TPD52: variants seen among roughly 807,000 people sequenced by gnomAD.
TPD52 encodes the protein prostate and colon associated protein.
A neutral mutation model predicts 31.3 loss-of-function variants in TPD52; 17 were observed. That is an observed-to-expected ratio of 0.54 (90% confidence interval 0.37 to 0.82). TPD52 has a LOEUF of 0.82. Ranked by LOEUF, TPD52 falls within the 40% of genes least tolerant of loss-of-function variation. The pLI, the probability that TPD52 is intolerant of heterozygous loss-of-function variation, is 0.00. For synonymous variants in TPD52, 83 were observed against 89.6 expected (o/e 0.93, Z 0.42); for missense variants, 212 against 240.1 (o/e 0.88, Z 0.77).
intron 1 of TPD52, among the ~76,000 whole-genome samples, chr8:80,065,543 G>C (rs1813045976): frequency 6.6e-6 from 1 of 151,912 alleles, no homozygotes; most frequent in Non-Finnish European, 1.5e-5. Context: ...GATGAGGCCA[G>C]AAAGGCACCC....
intron 1 of TPD52, among the ~76,000 whole-genome samples, chr8:80,110,055 C>T (rs537132572): frequency 6.6e-6 from 1 of 152,308 alleles, no homozygotes; most frequent in East Asian, 1.9e-4. Context: ...ATTCAAACTG[C>T]AAACCAGGAA....
At chr8:80,148,124 A>C (rs1810326810) in intron 1 of TPD52, among the ~76,000 whole-genome samples, 1 of 150,330 alleles carries the variant, frequency 6.7e-6, no homozygotes, top group Admixed American at 6.7e-5. Flanking sequence ...AGTAAGTGGT[A>C]TTTTATTAAA....
At chr8:80,168,715 A>G (rs1291779973) in intron 1 of TPD52, among the ~76,000 whole-genome samples, 1 of 152,256 alleles carries the variant, frequency 6.6e-6, no homozygotes, top group African/African-American at 2.4e-5. Flanking sequence ...CTCCAAGCCC[A>G]GCACTGCCTT....
chr8:80,161,159 C>A (rs1373540474), intron 1 of TPD52, among the ~76,000 whole-genome samples: 1 of 152,188 alleles, frequency 6.6e-6, no homozygotes, highest in Admixed American at 6.5e-5. Context: ...AGCACTATAT[C>A]CAATATCCTT....
At chr8:80,138,500 T>C (rs1809597871) in intron 1 of TPD52, among the ~76,000 whole-genome samples, 1 of 152,178 alleles carries the variant, frequency 6.6e-6, no homozygotes, top group African/African-American at 2.4e-5. Flanking sequence ...TTAGATACAT[T>C]ATATCTGAGT....
intron 1 of TPD52, among the ~76,000 whole-genome samples, chr8:80,154,737 AC>A (rs58878295): frequency 0.25 from 35,941 of 140,952 alleles, 4,988 homozygotes; most frequent in East Asian, 0.47. Context: ...ACACACACAC[AC>A]ACACACACAC....
intron 2 of TPD52, among the ~76,000 whole-genome samples, chr8:80,059,125 C>T (rs1159446067): frequency 6.6e-6 from 1 of 152,032 alleles, no homozygotes; most frequent in Non-Finnish European, 1.5e-5. Flanking sequence ...CAACCACCAC[C>T]ATGAAACTGG....
chr8:80,154,706 T>G, intron 1 of TPD52, among the ~76,000 whole-genome samples: 1 of 77,682 alleles, frequency 1.3e-5, no homozygotes, highest in African/African-American at 8.6e-5. Context: ...AATCATGACA[T>G]ACACACACAC....
At chr8:80,041,100 GA>G (rs34169883) in intron 7 of TPD52, among the ~76,000 whole-genome samples, 1 of 151,786 alleles carries the variant, frequency 6.6e-6, no homozygotes, top group Non-Finnish European at 1.5e-5. Flanking sequence ...GTATGTTCAA[GA>G]AAAAAAACGA....
intron 1 of TPD52, among the ~76,000 whole-genome samples, chr8:80,160,954 T>C (rs1586423457): frequency 1.3e-5 from 2 of 150,160 alleles, no homozygotes; most frequent in African/African-American, 4.9e-5. Context: ...CCCAGCTACT[T>C]GGGAGGCTGA....
chr8:80,054,271 G>C (rs184146666), intron 2 of TPD52, among the ~76,000 whole-genome samples: 59 of 152,212 alleles, frequency 3.9e-4, no homozygotes, highest in Non-Finnish European at 6.3e-4. Context: ...GATTATGAGA[G>C]GTATGGAAAG....
At chr8:80,171,392 C>A (rs182907837) in intron 1 of TPD52, 33 bp downstream of exon 1, 2 of 1,589,612 alleles carry the variant, frequency 1.3e-6, no homozygotes, top group African/African-American at 1.4e-5. Flanking sequence ...GAGTCCAAGC[C>A]CGAGCCCAAG....
Position 80,037,943 on chromosome 8 carries a change from T to C in TPD52, c.*173A>G. ...TACACTAAAGGGTGTTTCCCAAGAA[T>C]AGAGGTGAAGATATTTTCATTTTGT... On this transcript the variant is annotated 3_prime_UTR_variant, in exon 8 of 8. Transcript: ENST00000518937. The C allele has an allele frequency of 1.3e-6, 1 of 793,788 alleles. No homozygotes were observed. 49.2% of individuals were successfully genotyped at this position (793,788 alleles called of 1,614,324 possible). A position where few individuals can be genotyped will look rare whatever the true frequency, so the allele number is the denominator to read the frequency against.
At chr8:80,044,045 T>TA in intron 6 of TPD52, 122 bp downstream of exon 6, 1 of 808,152 alleles carries the variant, frequency 1.2e-6, no homozygotes, top group Non-Finnish European at 2.0e-6. Context: ...GATAGAGTGT[T>TA]AAACACACAG....
Position 80,124,662 on chromosome 8 carries a change from A to G in TPD52, c.19+46763T>C, listed in dbSNP as rs1486680856. On this transcript the variant is annotated intron_variant, in intron 1 of 7. Transcript: ENST00000518937. ...GATGATATATGCTAGCTGTATGTTT[A>G]TATGAATTTCACTAGCATAAAAATA... Among the ~76,000 whole-genome samples the G allele has an allele frequency of 3.3e-5, 5 of 152,352 alleles. No individual in the cohort carries two copies. The East Asian group carries it at 7.7e-4, about 23-fold the overall frequency.
At chr8:80,153,659 TCA>T (rs1311651492) in intron 1 of TPD52, among the ~76,000 whole-genome samples, 4 of 152,256 alleles carry the variant, frequency 2.6e-5, no homozygotes, top group African/African-American at 7.2e-5. Context: ...TGTAACCAAT[TCA>T]TTTAAGATAA....
intron 2 of TPD52, among the ~76,000 whole-genome samples, chr8:80,054,883 A>G (rs1401270131): frequency 6.6e-6 from 1 of 152,198 alleles, no homozygotes; most frequent in Non-Finnish European, 1.5e-5. Flanking sequence ...TGTAAGTCAC[A>G]TTTTAAGATG....
At position 80,158,307 on chromosome 8, in the gene TPD52, C is replaced by G. The variant is rs369872416; in HGVS notation, c.19+13118G>C. On this transcript the variant is annotated intron_variant, in intron 1 of 7. Transcript: ENST00000518937. ...CCCAATTCTCCTCAACTCCACCCCC[C>G]ACCCCCATCCATGGAACCCAAATCT... The G allele has an allele frequency of 2.7e-4, 41 of 152,034 alleles. 2 individuals are homozygous for G. The highest frequency in any genetic ancestry group is 2.6e-3 in the Admixed American group (40 of 15,250). The allele number at this position is 152,034 out of a possible 1,614,324, so 9.4% of individuals were successfully genotyped here.
At chr8:80,039,434 G>A (rs1012999788) in intron 7 of TPD52, among the ~76,000 whole-genome samples, 18 of 148,736 alleles carry the variant, frequency 1.2e-4, no homozygotes, top group African/African-American at 2.2e-4. Context: ...TTTTTTTTCC[G>A]TGTCACTTCT....
Sources: allele counts gnomAD v4.1 joint callset (sites outside exome capture counted in the v4.1 genomes callset), GRCh38; gene constraint gnomAD v4.1.1; transcripts MANE v1.5; gene names NCBI Gene and HGNC (gene_info 2026-07-23, HGNC 2026-07-21).